The following PEX14 variants were observed in gnomAD, a reference collection of about 807,000 sequenced individuals.
PEX14 encodes the protein peroxisomal membrane protein PEX14.
Under a neutral mutation model 49.5 loss-of-function variants are expected in PEX14, and 15 were observed. The ratio of observed to expected loss-of-function variants is 0.30; its 90% CI spans 0.20 to 0.47. The LOEUF (loss-of-function observed/expected upper bound fraction) is 0.47. Ranked by LOEUF, PEX14 falls within the 20% of genes least tolerant of loss-of-function variation. PEX14 has a pLI of 1.00. For synonymous variants in PEX14, 210 were observed against 212.7 expected (o/e 0.99, Z 0.11); for missense variants, 398 against 494.8 (o/e 0.80, Z 1.86).
At chr1:10,551,401 A>G (rs1570252169) in intron 3 of PEX14, among the ~76,000 whole-genome samples, 2 of 152,184 alleles carry the variant, frequency 1.3e-5, no homozygotes, top group South Asian at 2.1e-4. Flanking sequence ...TCGAACCTCC[A>G]TGAAGCCGAG....
At chr1:10,600,717 CA>C (rs943373728) in intron 4 of PEX14, among the ~76,000 whole-genome samples, 22 of 151,476 alleles carry the variant, frequency 1.5e-4, no homozygotes, top group Middle Eastern at 3.4e-3. Context: ...GACTCTGTCT[CA>C]AAAAAAATAA....
intron 3 of PEX14, among the ~76,000 whole-genome samples, chr1:10,562,459 G>GCAGT (rs1239348710): frequency 6.6e-6 from 1 of 152,122 alleles, no homozygotes; most frequent in Non-Finnish European, 1.5e-5. Context: ...ACAATGTCCT[G>GCAGT]CAGTCTTCCT....
At chr1:10,535,235 G>C (rs1638765094) in intron 2 of PEX14, among the ~76,000 whole-genome samples, 1 of 152,190 alleles carries the variant, frequency 6.6e-6, no homozygotes, top group African/African-American at 2.4e-5. Flanking sequence ...TGGTGTCTGG[G>C]GTGGAAAGTA....
At chr1:10,589,842 T>C (rs1474163128) in intron 3 of PEX14, among the ~76,000 whole-genome samples, 1 of 152,242 alleles carries the variant, frequency 6.6e-6, no homozygotes, top group Non-Finnish European at 1.5e-5. Flanking sequence ...CTCAGTTTGC[T>C]CTTCCACAGC....
At chr1:10,617,317 C>T (rs1641454428) in intron 4 of PEX14, among the ~76,000 whole-genome samples, 1 of 152,058 alleles carries the variant, frequency 6.6e-6, no homozygotes, top group Non-Finnish European at 1.5e-5. Flanking sequence ...GCCTCTGCGG[C>T]CCCCACTTCT....
intron 4 of PEX14, 84 bp from the exon 5 acceptor site, chr1:10,618,248 T>C (rs1023621365): frequency 2.0e-6 from 2 of 983,850 alleles, no homozygotes; most frequent in South Asian, 2.6e-5. Context: ...GAGGAGACTG[T>C]GCCACTGAGG....
intron 3 of PEX14, among the ~76,000 whole-genome samples, chr1:10,549,160 T>C (rs1639263590): frequency 6.6e-6 from 1 of 152,206 alleles, no homozygotes; most frequent in Admixed American, 6.5e-5. Context: ...CTGTGATAAA[T>C]TAAATATCAC....
At chr1:10,620,214 C>G (rs528387898) in intron 5 of PEX14, among the ~76,000 whole-genome samples, 1 of 152,196 alleles carries the variant, frequency 6.6e-6, no homozygotes, top group South Asian at 2.1e-4. Context: ...CTTTGGGAGG[C>G]CAGGGCAGGC....
At chr1:10,569,506 A>G (rs1454396661) in intron 3 of PEX14, among the ~76,000 whole-genome samples, 5 of 152,018 alleles carry the variant, frequency 3.3e-5, no homozygotes, top group East Asian at 1.9e-4. Flanking sequence ...GCCTTTCCCG[A>G]TGACTCTGGG....
intron 3 of PEX14, among the ~76,000 whole-genome samples, chr1:10,584,899 A>G (rs911236599): frequency 2.6e-5 from 4 of 152,234 alleles, no homozygotes; most frequent in African/African-American, 9.6e-5. Flanking sequence ...ACTGTGTAAA[A>G]TAAGAATGTC....
At chr1:10,577,078 C>T (rs979216619) in intron 3 of PEX14, among the ~76,000 whole-genome samples, 3 of 151,764 alleles carry the variant, frequency 2.0e-5, no homozygotes, top group African/African-American at 4.8e-5. Flanking sequence ...TTAATATGTA[C>T]AAGAGCAAGG....
intron 2 of PEX14, among the ~76,000 whole-genome samples, chr1:10,519,586 G>A (rs113750211): frequency 0.019 from 2,962 of 152,166 alleles, 101 homozygotes; most frequent in African/African-American, 0.068. Context: ...CTCTTCCTTC[G>A]GTGTAAGACT....
At chr1:10,536,502 T>C in intron 3 of PEX14, 1 of 592,192 alleles carries the variant, frequency 1.7e-6, no homozygotes, top group South Asian at 1.9e-5. Context: ...ACGATTCGGG[T>C]AATTAAGCAC....
chr1:10,526,542 C>A (rs1451292717), intron 2 of PEX14, among the ~76,000 whole-genome samples: 1 of 152,046 alleles, frequency 6.6e-6, no homozygotes, highest in Non-Finnish European at 1.5e-5. Context: ...ACTTTTGGAA[C>A]CCATACTTTA....
At chr1:10,487,253 T>A (rs909107170) in intron 1 of PEX14, among the ~76,000 whole-genome samples, 5 of 151,758 alleles carry the variant, frequency 3.3e-5, no homozygotes, top group African/African-American at 9.7e-5. Context: ...TATTCTATAG[T>A]TTTTTTGTAT....
chr1:10,600,860 G>C (rs985152844), intron 4 of PEX14, among the ~76,000 whole-genome samples: 1 of 152,132 alleles, frequency 6.6e-6, no homozygotes. Flanking sequence ...AAGGCCGGGC[G>C]CAGTGGCTCC....
intron 5 of PEX14, among the ~76,000 whole-genome samples, chr1:10,619,356 A>C (rs1409863095): frequency 7.0e-6 from 1 of 142,086 alleles, no homozygotes; most frequent in African/African-American, 2.7e-5. Flanking sequence ...TCGCTCTGTC[A>C]CCTAGGCCGG....
intron 4 of PEX14, among the ~76,000 whole-genome samples, chr1:10,603,845 C>A (rs1247762128): frequency 2.0e-5 from 3 of 152,160 alleles, no homozygotes; most frequent in African/African-American, 7.2e-5. Flanking sequence ...ACAATTTAAA[C>A]CCCTTCAAAG....
intron 3 of PEX14, among the ~76,000 whole-genome samples, chr1:10,569,378 C>A (rs78049536): frequency 6.6e-6 from 1 of 152,032 alleles, no homozygotes. Context: ...AAATTCCCCT[C>A]GGCACCATCA....
Sources: gnomAD v4.1 joint callset for allele counts (sites outside exome capture counted in the v4.1 genomes callset) on GRCh38, gnomAD v4.1.1 for gene constraint, MANE v1.5 for transcripts, NCBI Gene and HGNC (gene_info 2026-07-23, HGNC 2026-07-21) for gene names.